Variants in FERMT1 observed in about 807,000 individuals in gnomAD.
FERMT1 encodes fermitin family homolog 1.
A neutral mutation model predicts 85.3 loss-of-function variants in FERMT1; 60 were observed. The ratio of observed to expected loss-of-function variants is 0.70; its 90% CI spans 0.57 to 0.87. The LOEUF (loss-of-function observed/expected upper bound fraction) is 0.87, where lower values mean the gene tolerates loss of function less well. Ranked by LOEUF, FERMT1 falls within the 40% of genes least tolerant of loss-of-function variation. The pLI, the probability that FERMT1 is intolerant of heterozygous loss-of-function variation, is 0.00. For missense variants in FERMT1, 701 were observed against 818.9 expected (o/e 0.86, Z 1.76); for synonymous variants, 275 against 301.1 (o/e 0.91, Z 0.90).
intron 5 of FERMT1, among the ~76,000 whole-genome samples, chr20:6,109,917 A>G (rs530429237): frequency 6.5e-4 from 98 of 151,592 alleles, no homozygotes; most frequent in African/African-American, 2.3e-3. Context: ...AAAAAAAAAA[A>G]AGAGAAGAGT....
At chr20:6,119,077 A>T (rs2123156945) in intron 2 of FERMT1, among the ~76,000 whole-genome samples, 1 of 151,986 alleles carries the variant, frequency 6.6e-6, no homozygotes, top group East Asian at 1.9e-4. Flanking sequence ...GCTTCCGAGT[A>T]GCTGGGATTA....
intron 11 of FERMT1, among the ~76,000 whole-genome samples, chr20:6,086,506 C>T (rs1174552099): frequency 6.6e-6 from 1 of 152,158 alleles, no homozygotes; most frequent in Non-Finnish European, 1.5e-5. Flanking sequence ...TTCAGTGCAA[C>T]AGTGGGTGAG....
intron 2 of FERMT1, among the ~76,000 whole-genome samples, chr20:6,117,969 G>T (rs997985144): frequency 2.0e-5 from 3 of 152,226 alleles, no homozygotes; most frequent in Non-Finnish European, 4.4e-5. Context: ...GCCAGAAAAT[G>T]CTCCTCTTAA....
intron 3 of FERMT1, among the ~76,000 whole-genome samples, chr20:6,113,177 C>T (rs770889905): frequency 5.9e-5 from 9 of 152,108 alleles, no homozygotes; most frequent in Non-Finnish European, 1.0e-4. Context: ...GGTGTTTCCC[C>T]GCACAAGCTC....
chr20:6,077,374 A>T, intron 14 of FERMT1, 28 bp from the exon 15 acceptor site: 1 of 1,612,652 alleles, frequency 6.2e-7, no homozygotes, highest in Non-Finnish European at 8.5e-7. Context: ...AGAGAAGCTT[A>T]AACTCTGACA....
At position 6,077,340 on chromosome 20, in the gene FERMT1, T is replaced by C. The variant is rs756076472; in HGVS notation, c.1867A>G (p.Ile623Val). 6.2e-7 allele frequency: 1 copy of C among 1,614,110 alleles called. No individual in the cohort carries two copies. The highest frequency in any genetic ancestry group is 8.5e-7 in the Non-Finnish European group (1 of 1,180,008). ...NVNWETRQVV[I>V]EFDQNVFTAF... ...GTAAAGACGTTTTGGTCAAACTCGA[T>C]GACCACCTGGAAGAGGAAGGCACAG... Residue 623 changes from isoleucine to valine, a missense_variant, in exon 15 of 15, where the codon ATC becomes GTC. Transcript: ENST00000217289.
chr20:6,112,524 T>C lies in FERMT1; in HGVS notation c.485A>G (p.Glu162Gly), dbSNP rs771920901. 1 of 1,613,400 alleles carries C rather than the reference T, an allele frequency of 6.2e-7. No individual in the cohort carries two copies. The highest frequency in any genetic ancestry group is 8.5e-7 in the Non-Finnish European group (1 of 1,179,574). The change falls in exon 4 of 15, where the codon GAA (glutamate) becomes GGA (glycine). Residue 162 changes from glutamate to glycine, a missense_variant. Transcript: ENST00000217289. ...AGAACTCTCCAGGTTTAGAATATCT[T>C]CAATTATGGGTTCCTTATTATTTTT... Reference protein sequence around the residue: ...KDKNNKEPIIEDILNLESSPT... With the variant: ...KDKNNKEPIIGDILNLESSPT...
At chr20:6,120,042 C>T (rs138445662) in intron 1 of FERMT1, among the ~76,000 whole-genome samples, 102 of 152,142 alleles carry the variant, frequency 6.7e-4, no homozygotes, top group African/African-American at 2.3e-3. Context: ...GCAAATTATA[C>T]TTCAATAAAG....
chr20:6,097,684 A>G, intron 6 of FERMT1, 53 bp from the exon 7 acceptor site: 1 of 1,224,840 alleles, frequency 8.2e-7, no homozygotes, highest in Middle Eastern at 1.9e-4. Flanking sequence ...ATATCCCACA[A>G]TACAAAGATT....
Position 6,084,060 on chromosome 20 carries a change from G to A in FERMT1, c.1698C>T (p.Gly566=), listed in dbSNP as rs1199400365. ...ATCACCTGACAAGGTAGTAGGTGAG[G>A]CCAAACTCAGGCAGTGACTGCCACG... ...IQAWQSLPEF[G]LTYYLVRFKG... is the part of the protein sequence containing the mutation. The change falls in exon 13 of 15, where the codon GGC becomes GGT. Residue 566 remains glycine, a synonymous_variant. Coordinates refer to ENST00000217289, the MANE Select transcript of FERMT1 (RefSeq NM_017671.5). The A allele has an allele frequency of 5.0e-6, 8 of 1,614,126 alleles. No homozygotes were observed. Among genetic ancestry groups the A allele is most frequent in the Non-Finnish European group, 5.1e-6 (6 of 1,180,018 alleles).
intron 8 of FERMT1, 155 bp downstream of exon 8, chr20:6,096,747 G>A (rs181598189): frequency 2.6e-6 from 2 of 768,360 alleles, no homozygotes; most frequent in Admixed American, 2.4e-5. Flanking sequence ...TGAAAAGTTA[G>A]TTCACTAGGT....
rs1413619345 is a variant in FERMT1 at position 6,075,593 on chromosome 20, T to C, written c.*1580A>G. ...AGAGGAATTTCCAGATGGCAGCTAC[T>C]GGCTCAGAACCAGGGGGTCCCTTGC... On this transcript the variant is annotated 3_prime_UTR_variant, in exon 15 of 15. Coordinates refer to ENST00000217289, the MANE Select transcript of FERMT1 (RefSeq NM_017671.5). The C allele has an allele frequency of 1.3e-5, 2 of 152,356 alleles. No homozygotes were observed. Among genetic ancestry groups the C allele is most frequent in the African/African-American group, 4.8e-5 (2 of 41,444 alleles). The allele number at this position is 152,356 out of a possible 1,614,324, so 9.4% of individuals were successfully genotyped here.
At chr20:6,121,997 A>G (rs553682632) in intron 1 of FERMT1, among the ~76,000 whole-genome samples, 2 of 152,330 alleles carry the variant, frequency 1.3e-5, no homozygotes, top group South Asian at 2.1e-4. Context: ...AAATGCTATA[A>G]TTGTGAAGTC....
chr20:6,121,704 T>C (rs897598933), intron 1 of FERMT1, among the ~76,000 whole-genome samples: 1 of 152,260 alleles, frequency 6.6e-6, no homozygotes, highest in Non-Finnish European at 1.5e-5. Context: ...GCAAGTTGCC[T>C]GAGGTCACAC....
At chr20:6,098,106 G>A (rs759707517) in intron 6 of FERMT1, among the ~76,000 whole-genome samples, 25 of 152,170 alleles carry the variant, frequency 1.6e-4, no homozygotes, top group Non-Finnish European at 3.4e-4. Context: ...GAGCCACTGC[G>A]CCTGGCCCTC....
intron 2 of FERMT1, among the ~76,000 whole-genome samples, chr20:6,116,647 T>C (rs1387031769): frequency 1.3e-5 from 2 of 151,006 alleles, no homozygotes; most frequent in Non-Finnish European, 2.9e-5. Context: ...GAGAATCACT[T>C]GAACCCGGGA....
At chr20:6,108,899 C>T (rs1212520636) in intron 5 of FERMT1, among the ~76,000 whole-genome samples, 5 of 151,872 alleles carry the variant, frequency 3.3e-5, no homozygotes, top group Non-Finnish European at 7.4e-5. Context: ...CTCCTTTTAC[C>T]AGATGGTTTG....
intron 13 of FERMT1, among the ~76,000 whole-genome samples, chr20:6,083,342 G>T (rs906718616): frequency 3.3e-5 from 5 of 152,082 alleles, no homozygotes; most frequent in African/African-American, 1.2e-4. Context: ...CTGTCTTTCT[G>T]GGGGCAATAG....
intron 11 of FERMT1, among the ~76,000 whole-genome samples, chr20:6,086,224 T>C (rs971434781): frequency 2.6e-5 from 4 of 152,178 alleles, no homozygotes; most frequent in Non-Finnish European, 5.9e-5. Context: ...TCAGCTTTCC[T>C]TGATATGTAT....
Sources: allele counts gnomAD v4.1 joint callset (sites outside exome capture counted in the v4.1 genomes callset), GRCh38; gene constraint gnomAD v4.1.1; transcripts MANE v1.5; gene names NCBI Gene and HGNC (gene_info 2026-07-23, HGNC 2026-07-21).